TMED3: variants seen among roughly 807,000 people sequenced by gnomAD.
TMED3 encodes transmembrane emp24 domain-containing protein 3.
TMED3 carries 9 observed loss-of-function variants against 15.0 expected under a neutral mutation model. That is an observed-to-expected ratio of 0.60 (90% confidence interval 0.36 to 1.04). The LOEUF is 1.04. Among genes scored for constraint, TMED3 ranks in the 50% least tolerant of loss-of-function variants. The pLI is 0.01. For missense variants in TMED3, 267 were observed against 278.9 expected, an observed-to-expected ratio of 0.96 and a Z score of 0.30; for synonymous variants, 117 against 121.4, an observed-to-expected ratio of 0.96 and a Z score of 0.24.
intron 2 of TMED3, among the ~76,000 whole-genome samples, chr15:79,408,801 G>A (rs1201889277): frequency 6.6e-6 from 1 of 152,178 alleles, no homozygotes; most frequent in Non-Finnish European, 1.5e-5. Context: ...TTCAAAAGAG[G>A]AAGGGCATAG....
At chr15:79,371,146 T>A (rs1007101323) in intron 2 of TMED3, among the ~76,000 whole-genome samples, 1 of 152,212 alleles carries the variant, frequency 6.6e-6, no homozygotes, top group African/African-American at 2.4e-5. Flanking sequence ...AGGCCCTACT[T>A]CAAGAAAACC....
rs1018285081 is a variant in TMED3 at position 79,409,147 on chromosome 15, A to G, written c.418-2253A>G. 3.9e-5 allele frequency among the ~76,000 whole-genome samples: 6 copies of G among 152,188 alleles called. No homozygotes were observed. In the East Asian group the frequency reaches 1.2e-3, roughly 29 times the overall value. ...CTTTAATGCCTGGCAACACATTTCCAACTGCAGGATGCATCCTATAAGGAC... is the reference window on the plus strand; with the variant it reads ...CTTTAATGCCTGGCAACACATTTCCGACTGCAGGATGCATCCTATAAGGAC... On this transcript the variant is annotated intron_variant, in intron 2 of 2. Transcript: ENST00000424155.
At chr15:79,355,221 A>T (rs2058914154) in intron 2 of TMED3, among the ~76,000 whole-genome samples, 1 of 152,190 alleles carries the variant, frequency 6.6e-6, no homozygotes, top group Non-Finnish European at 1.5e-5. Flanking sequence ...TGTGACATCC[A>T]AAAAGCCCAC....
At chr15:79,412,514 A>G (rs945505947) in exon 3 of TMED3, 1 of 152,416 alleles carries the variant, frequency 6.6e-6, no homozygotes, top group Admixed American at 6.5e-5. Context: ...AAACTCAGAC[A>G]GAGGGTGCAC....
At chr15:79,406,493 T>A (rs1180853258) in intron 2 of TMED3, among the ~76,000 whole-genome samples, 3 of 152,172 alleles carry the variant, frequency 2.0e-5, no homozygotes, top group Non-Finnish European at 4.4e-5. Context: ...GGGTCCCTTA[T>A]CATCAGTTTT....
intron 2 of TMED3, among the ~76,000 whole-genome samples, chr15:79,340,246 G>C (rs1247920214): frequency 6.6e-6 from 1 of 152,170 alleles, no homozygotes; most frequent in Non-Finnish European, 1.5e-5. Flanking sequence ...TCAAGGATTG[G>C]GCAGGCACAA....
Position 79,322,416 on chromosome 15 carries a change from C to G in TMED3, c.*202C>G. The G allele has an allele frequency of 7.0e-7, 1 of 1,420,470 alleles. No homozygotes were observed. The highest frequency in any genetic ancestry group is 1.5e-5 in the South Asian group (1 of 65,012). The allele number at this position is 1,420,470 out of a possible 1,614,324, so 88.0% of individuals were successfully genotyped here. A position where few individuals can be genotyped will look rare whatever the true frequency, so the allele number is the denominator to read the frequency against. ...AGACCAGTAATCAGAAGGCATCCGA[C>G]TGCATTAAGTGTGCAGCGCTGAAAA... On this transcript the variant is annotated 3_prime_UTR_variant, in exon 3 of 3. Coordinates refer to ENST00000299705, the MANE Select transcript of TMED3 (RefSeq NM_007364.4).
At chr15:79,366,719 G>A (rs564675195) in intron 2 of TMED3, among the ~76,000 whole-genome samples, 8 of 152,274 alleles carry the variant, frequency 5.3e-5, no homozygotes, top group African/African-American at 1.9e-4. Context: ...CTAAGCTCGT[G>A]GTGGCAGCTA....
intron 2 of TMED3, among the ~76,000 whole-genome samples, chr15:79,379,040 A>C (rs1488407904): frequency 6.6e-6 from 1 of 152,226 alleles, no homozygotes; most frequent in Non-Finnish European, 1.5e-5. Context: ...TTTTCAAATG[A>C]TGTTTCCCAT....
intron 2 of TMED3, among the ~76,000 whole-genome samples, chr15:79,347,829 G>T (rs565527389): frequency 5.9e-4 from 89 of 152,098 alleles, no homozygotes; most frequent in Non-Finnish European, 1.2e-3. Context: ...TAGCCAGGGA[G>T]GTAAAAGATC....
At chr15:79,383,553 G>A (rs1000077196) in intron 2 of TMED3, 11 of 154,352 alleles carry the variant, frequency 7.1e-5, no homozygotes, top group Admixed American at 3.8e-4. Flanking sequence ...TCGCTCCCCA[G>A]TGAAGTCATA....
At chr15:79,336,731 GAAAA>G (rs566830164) in intron 2 of TMED3, among the ~76,000 whole-genome samples, 3 of 147,134 alleles carry the variant, frequency 2.0e-5, no homozygotes, top group Non-Finnish European at 3.0e-5. Context: ...AACAAACAAA[GAAAA>G]AAACACATTA....
At chr15:79,329,530 C>T (rs2058799868) in intron 2 of TMED3, among the ~76,000 whole-genome samples, 1 of 152,236 alleles carries the variant, frequency 6.6e-6, no homozygotes, top group African/African-American at 2.4e-5. Context: ...AACTGCCCTG[C>T]TGACATTGCA....
intron 2 of TMED3, among the ~76,000 whole-genome samples, chr15:79,319,919 A>T (rs1180237259): frequency 6.6e-6 from 1 of 152,212 alleles, no homozygotes; most frequent in East Asian, 1.9e-4. Context: ...ACATGAAAGA[A>T]GACTAGGAGT....
At position 79,372,700 on chromosome 15, in the gene TMED3, G is replaced by C. The variant is rs577880950; in HGVS notation, c.418-38700G>C. ...CCATGATTCAATTACCTCCCACTGG[G>C]TTCCTCCCATGACACATGGGGATTA... On this transcript the variant is annotated intron_variant, in intron 2 of 2. Coordinates refer to the TMED3 transcript ENST00000424155. Among the ~76,000 whole-genome samples, 3 of 152,250 alleles carry C rather than the reference G, an allele frequency of 2.0e-5. No individual in the cohort carries two copies. In the East Asian group the frequency reaches 5.8e-4, roughly 29 times the overall value.
intron 2 of TMED3, among the ~76,000 whole-genome samples, chr15:79,340,180 A>G (rs2058846569): frequency 6.6e-6 from 1 of 152,210 alleles, no homozygotes; most frequent in East Asian, 1.9e-4. Flanking sequence ...CTGCAGCAAT[A>G]TGAGAAATGA....
intron 2 of TMED3, chr15:79,382,983 C>T (rs922763318): frequency 2.6e-5 from 40 of 1,535,342 alleles, no homozygotes; most frequent in Admixed American, 2.0e-4. Flanking sequence ...CAGTGCTTCA[C>T]CAACACCAAC....
At chr15:79,411,124 C>T (rs983927315) in intron 2 of TMED3, among the ~76,000 whole-genome samples, 18 of 152,132 alleles carry the variant, frequency 1.2e-4, no homozygotes, top group African/African-American at 4.3e-4. Flanking sequence ...TATTAGGTAA[C>T]TCACCCGGGG....
At chr15:79,313,708 T>TA in intron 1 of TMED3, 49 bp from the exon 2 acceptor site, 1 of 1,581,834 alleles carries the variant, frequency 6.3e-7, no homozygotes. Context: ...TGGCATTTGG[T>TA]AAGTGGTGGT....
Sources: allele counts gnomAD v4.1 joint callset (sites outside exome capture counted in the v4.1 genomes callset), GRCh38; gene constraint gnomAD v4.1.1; transcripts MANE v1.5; gene names NCBI Gene and HGNC (gene_info 2026-07-23, HGNC 2026-07-21).